Variants in RTN4IP1 observed in about 807,000 individuals in gnomAD.
RTN4IP1 encodes reticulon 4 interacting protein 1, also known as NAD(P)H oxidoreductase RTN4IP1, mitochondrial.
RTN4IP1 carries 32 observed loss-of-function variants against 46.6 expected under a neutral mutation model. The ratio of observed to expected loss-of-function variants is 0.69; its 90% CI spans 0.52 to 0.92. The LOEUF is 0.92. Ranked by LOEUF, RTN4IP1 falls within the 40% of genes least tolerant of loss-of-function variation. The pLI, the probability that RTN4IP1 is intolerant of heterozygous loss-of-function variation, is 0.00. For synonymous variants in RTN4IP1, 167 were observed against 161.8 expected (o/e 1.03, Z -0.24); for missense variants, 424 against 485.8 (o/e 0.87, Z 1.20).
chr6:106,627,576 AC>A (rs1215495538), intron 1 of RTN4IP1, among the ~76,000 whole-genome samples: 12 of 152,066 alleles, frequency 7.9e-5, no homozygotes, highest in Non-Finnish European at 1.6e-4. Context: ...ATTGAGTAAA[AC>A]TTACCACTAA....
chr6:106,606,709 A>C (rs1485370522), intron 4 of RTN4IP1, among the ~76,000 whole-genome samples: 1 of 152,086 alleles, frequency 6.6e-6, no homozygotes, highest in African/African-American at 2.4e-5. Flanking sequence ...GGAGTTCAAG[A>C]CCAGCCTATC....
At chr6:106,628,708 A>AT (rs1030087872) in intron 1 of RTN4IP1, 40 bp downstream of exon 1, 28 of 1,559,886 alleles carry the variant, frequency 1.8e-5, no homozygotes, top group Non-Finnish European at 2.0e-5. Context: ...TATGAAAGTG[A>AT]TTTTTTTAAA....
chr6:106,597,135 T>C (rs7741144), intron 5 of RTN4IP1, among the ~76,000 whole-genome samples: 1 of 152,206 alleles, frequency 6.6e-6, no homozygotes, highest in Non-Finnish European at 1.5e-5. Context: ...TGTTGCTCAG[T>C]CTGGGTCCAT....
chr6:106,629,739 G>C (rs1188502981), upstream of RTN4IP1: 1 of 1,592,236 alleles, frequency 6.3e-7, no homozygotes, highest in East Asian at 2.3e-5. Context: ...GCCCCCGGGA[G>C]GGCGGAAAGT....
chr6:106,585,744 A>T (rs184650598), intron 7 of RTN4IP1, among the ~76,000 whole-genome samples: 1 of 152,314 alleles, frequency 6.6e-6, no homozygotes. Context: ...ACTACTTAAA[A>T]GGTTTTCACA....
At chr6:106,594,435 C>T (rs1008568985) in intron 5 of RTN4IP1, among the ~76,000 whole-genome samples, 19 of 151,938 alleles carry the variant, frequency 1.3e-4, no homozygotes, top group South Asian at 6.2e-4. Flanking sequence ...CTTGAGCCGG[C>T]GGGGGTGGAG....
chr6:106,619,407 A>T (rs1776428136), intron 3 of RTN4IP1, 81 bp from the exon 4 acceptor site: 1 of 1,514,108 alleles, frequency 6.6e-7, no homozygotes, highest in Non-Finnish European at 9.0e-7. Context: ...CCTTCACAGG[A>T]ATCCAGCTGA....
chr6:106,577,432 A>C (rs1490976753), intron 8 of RTN4IP1, among the ~76,000 whole-genome samples: 1 of 106,828 alleles, frequency 9.4e-6, no homozygotes, highest in Non-Finnish European at 1.8e-5. Context: ...TGGGTGACAA[A>C]GTGAGACCCT....
At chr6:106,572,288 C>A in intron 8 of RTN4IP1, 185 bp from the exon 9 acceptor site, 1 of 592,350 alleles carries the variant, frequency 1.7e-6, no homozygotes, top group Non-Finnish European at 3.0e-6. Context: ...CTCACTGCTG[C>A]TTCTCTCTTT....
chr6:106,630,202 G>A (rs1353766901), upstream of RTN4IP1, among the ~76,000 whole-genome samples: 1 of 152,152 alleles, frequency 6.6e-6, no homozygotes, highest in Non-Finnish European at 1.5e-5. Context: ...TCCATGTCCT[G>A]GACGTCGTGT....
rs9486410 is a variant in RTN4IP1 at position 106,572,005 on chromosome 6, A to G, written c.1182T>C (p.Asn394=). 0.12 allele frequency: 194,478 copies of G among 1,609,902 alleles called. 13,112 individuals carry two copies. The highest frequency in any genetic ancestry group is 0.28 in the African/African-American group (21,168 of 74,786). The change falls in exon 9 of 9, where the codon AAT becomes AAC. Residue 394 remains asparagine, a synonymous_variant. Coordinates refer to ENST00000369063, the MANE Select transcript of RTN4IP1 (RefSeq NM_032730.5). ...RGHARGKTVI[N]VV is the part of the protein sequence containing the mutation. ...TAAACTGCATTTTTATTTAAACAAC[A>G]TTAATTACAGTCTTTCCTCGTGCGT...
intron 3 of RTN4IP1, among the ~76,000 whole-genome samples, chr6:106,620,607 T>C (rs1233825572): frequency 6.6e-6 from 1 of 152,128 alleles, no homozygotes; most frequent in Non-Finnish European, 1.5e-5. Flanking sequence ...CATATCTTAC[T>C]CCAAGATTAT....
rs144393960 is a variant in RTN4IP1, at chr6:106,609,227, T to G, written c.621-6305A>C. Reference sequence around the variant, plus strand: ...CCTGCATTGGCCACAGTGCCCTGGATGTAGCAGATGCCTGATCAAAGTTTC... The same window carrying G: ...CCTGCATTGGCCACAGTGCCCTGGAGGTAGCAGATGCCTGATCAAAGTTTC... On this transcript the variant is annotated intron_variant, in intron 4 of 8. Coordinates refer to ENST00000369063, the MANE Select transcript of RTN4IP1 (RefSeq NM_032730.5). Among the ~76,000 whole-genome samples, 190 of 152,316 alleles carry G rather than the reference T, an allele frequency of 1.2e-3. 2 individuals carry two copies. The highest frequency in any genetic ancestry group is 6.8e-3 in the Middle Eastern group (2 of 294).
chr6:106,629,348 TCCCTGC>T lies in RTN4IP1; in HGVS notation c.-333_-328del. On this transcript the variant is annotated 5_prime_UTR_variant, in exon 1 of 9. Transcript: ENST00000369063. Reference sequence around the variant, plus strand: ...AAAGCAGGTGCGCAAACCCCCTAGATCCCTGCCCTGTCCTGGGAGCCCTCGGCGGGA... The same window carrying T: ...AAAGCAGGTGCGCAAACCCCCTAGATCCTGTCCTGGGAGCCCTCGGCGGGA... 1.8e-6 allele frequency: 1 copy of T among 553,000 alleles called. No homozygotes were observed. 34.3% of individuals were successfully genotyped at this position (553,000 alleles called of 1,614,324 possible).
At chr6:106,594,320 C>T (rs1055199545) in intron 5 of RTN4IP1, among the ~76,000 whole-genome samples, 2 of 152,040 alleles carry the variant, frequency 1.3e-5, no homozygotes, top group Admixed American at 6.6e-5. Flanking sequence ...CCTGCCTAGG[C>T]AACGTAGTGA....
intron 7 of RTN4IP1, among the ~76,000 whole-genome samples, chr6:106,585,215 T>A (rs1392509369): frequency 6.6e-6 from 1 of 152,246 alleles, no homozygotes; most frequent in Non-Finnish European, 1.5e-5. Context: ...GGCTCACACC[T>A]ATAATCCCAA....
intron 4 of RTN4IP1, among the ~76,000 whole-genome samples, chr6:106,607,448 G>T (rs1485068736): frequency 6.6e-6 from 1 of 151,950 alleles, no homozygotes; most frequent in African/African-American, 2.4e-5. Flanking sequence ...CTGTAGAATG[G>T]GAGAAAGTAT....
chr6:106,594,415 G>A (rs1222609268), intron 5 of RTN4IP1, among the ~76,000 whole-genome samples: 1 of 152,040 alleles, frequency 6.6e-6, no homozygotes, highest in Non-Finnish European at 1.5e-5. Flanking sequence ...AGGCTGAAGT[G>A]GGAGGATCGC....
chr6:106,588,475 G>C (rs1249122418), intron 6 of RTN4IP1, among the ~76,000 whole-genome samples: 1 of 152,062 alleles, frequency 6.6e-6, no homozygotes, highest in Non-Finnish European at 1.5e-5. Flanking sequence ...ACAGCATCAG[G>C]ACAATGCAAA....
Sources: gnomAD v4.1 joint callset for allele counts (sites outside exome capture counted in the v4.1 genomes callset) on GRCh38, gnomAD v4.1.1 for gene constraint, MANE v1.5 for transcripts, NCBI Gene and HGNC (gene_info 2026-07-23, HGNC 2026-07-21) for gene names.